EXOC7: variants seen among roughly 807,000 people sequenced by gnomAD.
EXOC7 encodes the protein exocyst complex component Exo70.
Under a neutral mutation model 87.6 loss-of-function variants are expected in EXOC7, and 51 were observed. That is an observed-to-expected ratio of 0.58 (90% CI 0.46 to 0.73). The LOEUF (loss-of-function observed/expected upper bound fraction) is 0.73. Among genes scored for constraint, EXOC7 ranks in the 30% least tolerant of loss-of-function variants. The pLI is 0.00. For missense variants in EXOC7, 744 were observed against 888.4 expected, an observed-to-expected ratio of 0.84 and a Z score of 2.07; for synonymous variants, 327 against 357.1, an observed-to-expected ratio of 0.92 and a Z score of 0.95.
chr17:76,098,865 C>CAA (rs55644538), intron 4 of EXOC7, among the ~76,000 whole-genome samples: 8 of 106,892 alleles, frequency 7.5e-5, no homozygotes, highest in Admixed American at 3.2e-4. Flanking sequence ...GACTCCGTCT[C>CAA]AAAAAAAAAA....
Position 76,103,344 on chromosome 17 carries a change from G to A in EXOC7, c.126+17C>T. 1 of 1,580,938 alleles carries A rather than the reference G, an allele frequency of 6.3e-7. No individual in the cohort carries two copies. Among genetic ancestry groups the A allele is most frequent in the African/African-American group, 1.3e-5 (1 of 74,632 alleles). ...GTCCGGAGGCCTGCCCTCTCCCCCA[G>A]CTGCGGGGAGACTCACCATGTTCTT... On this transcript the variant is annotated intron_variant, in intron 2 of 18. Transcript: ENST00000589210.
chr17:76,081,324 T>A lies in EXOC7; in HGVS notation c.*2324A>T. Reference sequence around the variant, plus strand: ...CCCACGTGGTGAACGAGATTGTGAGTGTCAAGAGGGAATACGTAGTTTATG... The same window carrying A: ...CCCACGTGGTGAACGAGATTGTGAGAGTCAAGAGGGAATACGTAGTTTATG... On this transcript the variant is annotated 3_prime_UTR_variant, in exon 19 of 19. Transcript: ENST00000589210. The A allele has an allele frequency of 6.2e-7, 1 of 1,614,002 alleles. No homozygotes were observed. Among genetic ancestry groups the A allele is most frequent in the South Asian group, 1.1e-5 (1 of 91,080 alleles).
chr17:76,083,315 CCTGCTGCT>C lies in EXOC7; in HGVS notation c.*325_*332del. 1 of 283,798 alleles carries C rather than the reference CCTGCTGCT, an allele frequency of 3.5e-6. No individual in the cohort carries two copies. The highest frequency in any genetic ancestry group is 6.8e-6 in the Non-Finnish European group (1 of 146,932). 17.6% of individuals were successfully genotyped at this position (283,798 alleles called of 1,614,324 possible). A position where few individuals can be genotyped will look rare whatever the true frequency, so the allele number is the denominator to read the frequency against. ...TAGGCTGGAGGGAGGGCCCTTCTGC[CCTGCTGCT>C]CTTGGTACACATGGAGCAGCAGTGG... On this transcript the variant is annotated 3_prime_UTR_variant, in exon 19 of 19. Coordinates refer to ENST00000589210, the MANE Select transcript of EXOC7 (RefSeq NM_001013839.4).
intron 2 of EXOC7, chr17:76,103,006 CA>C (rs1019662545): frequency 1.3e-5 from 3 of 224,172 alleles, no homozygotes; most frequent in Middle Eastern, 3.4e-3. Context: ...TCAGGAATCT[CA>C]AAGTGCCAAC....
At position 76,083,134 on chromosome 17, in the gene EXOC7, G is replaced by A; in HGVS notation, c.*514C>T. The A allele has an allele frequency of 5.9e-6, 1 of 168,166 alleles. No individual in the cohort carries two copies. Among genetic ancestry groups the A allele is most frequent in the Non-Finnish European group, 1.3e-5 (1 of 78,330 alleles). The allele number at this position is 168,166 out of a possible 1,614,324, so 10.4% of individuals were successfully genotyped here. A position where few individuals can be genotyped will look rare whatever the true frequency, so the allele number is the denominator to read the frequency against. The stretch of plus-strand genomic sequence containing the variant: ...CAGCCACCTAGGGGACTCCTGGGAG[G>A]GAAAGGTCCCAGACCTCAGGCCTGT... On this transcript the variant is annotated 3_prime_UTR_variant, in exon 19 of 19. Coordinates refer to ENST00000589210, the MANE Select transcript of EXOC7 (RefSeq NM_001013839.4).
intron 5 of EXOC7, among the ~76,000 whole-genome samples, chr17:76,096,511 CAAAAAAA>C (rs780542530): frequency 2.9e-5 from 2 of 70,038 alleles, no homozygotes; most frequent in African/African-American, 1.3e-4. Context: ...GACTCTGTCT[CAAAAAAA>C]AAAAAAAAAA....
rs1158501350 is a variant in EXOC7 at position 76,092,609 on chromosome 17, C to T, written c.809-1374G>A. 3 of 152,198 alleles carry T rather than the reference C, an allele frequency of 2.0e-5. No homozygotes were observed. The East Asian group carries it at 5.8e-4, about 29-fold the overall frequency. The allele number at this position is 152,198 out of a possible 1,614,324, so 9.4% of individuals were successfully genotyped here. On this transcript the variant is annotated intron_variant, in intron 6 of 18. Transcript: ENST00000589210. ...CACCATACTTGGCCCATAATTAGCT[C>T]CTAATAACCAAGGCCTGGCTCACGT...
rs371547631 is a variant in EXOC7, at chr17:76,086,197, C to T, written c.1430-52G>A. 4.6e-5 allele frequency: 71 copies of T among 1,558,554 alleles called. No individual in the cohort carries two copies. The African/African-American group carries it at 5.0e-4, about 11-fold the overall frequency. ...CAGTGGCAGCAGCCAAGACCCTCAA[C>T]GGCCCTTCCCCCAGGCCATGCAGCA... is the stretch of plus-strand genomic sequence containing the variant. On this transcript the variant is annotated intron_variant, in intron 12 of 18. Transcript: ENST00000589210.
In EXOC7 at chr17:76,084,065, G is replaced by A. The variant is rs1471794030; in HGVS notation, c.1893C>T (p.Asp631=). 1 of 1,610,612 alleles carries A rather than the reference G, an allele frequency of 6.2e-7. No homozygotes were observed. The highest frequency in any genetic ancestry group is 8.5e-7 in the Non-Finnish European group (1 of 1,178,924). Residue 631 remains aspartate (D), a synonymous_variant, in exon 18 of 19, where the codon GAC becomes GAT. Transcript: ENST00000589210. ...TGGTCTTCTGGGCCTGGCGAATCCTGTCCCTCTGCTCTGTGTCTGGAATAG... is the reference window on the plus strand; with the variant it reads ...TGGTCTTCTGGGCCTGGCGAATCCTATCCCTCTGCTCTGTGTCTGGAATAG... ...AWAIPDTEQR[D]RIRQAQKTIV...
intron 12 of EXOC7, among the ~76,000 whole-genome samples, chr17:76,086,484 CAG>C (rs772672145): frequency 2.0e-5 from 3 of 152,290 alleles, no homozygotes; most frequent in African/African-American, 7.2e-5. Context: ...TTGTCAACAG[CAG>C]AGTCTTAGAA....
rs182284721 is a variant in EXOC7, at chr17:76,084,652, A to G, written c.1713-72T>C. The G allele has an allele frequency of 1.8e-4, 244 of 1,376,180 alleles. 3 individuals are homozygous for G. In the African/African-American group the frequency reaches 3.2e-3, roughly 18 times the overall value. 85.2% of individuals were successfully genotyped at this position (1,376,180 alleles called of 1,614,324 possible). On this transcript the variant is annotated intron_variant, in intron 15 of 18. Transcript: ENST00000589210. ...AGTGGCCTGGCTTGTTTCGTTTGCTAAATCTCTGGATCTACTTGGTGGGTG... is the reference window on the plus strand; with the variant it reads ...AGTGGCCTGGCTTGTTTCGTTTGCTGAATCTCTGGATCTACTTGGTGGGTG...
Position 76,088,090 on chromosome 17 carries a change from C to T in EXOC7, c.1332G>A (p.Lys444=), listed in dbSNP as rs1409145784. Residue 444 remains lysine (K), a synonymous_variant, in exon 11 of 19, where the codon AAG becomes AAA. Coordinates refer to ENST00000589210, the MANE Select transcript of EXOC7 (RefSeq NM_001013839.4). ...TGGTGAGCTCGTGTACGGTGCCGTC[C>T]TTCGGCATGTTGTACTCCTTGTCCG... ...NDPDKEYNMP[K]DGTVHELTSN... 1 of 1,613,896 alleles carries T rather than the reference C, an allele frequency of 6.2e-7. No homozygotes were observed. The highest frequency in any genetic ancestry group is 1.3e-5 in the African/African-American group (1 of 74,928).
intron 7 of EXOC7, chr17:76,090,216 G>T: frequency 1.6e-6 from 2 of 1,239,512 alleles, no homozygotes; most frequent in African/African-American, 1.5e-5. Flanking sequence ...GCATAGGCCT[G>T]GCCCATCCTC....
At chr17:76,088,323 A>G (rs2067305399) in intron 10 of EXOC7, 141 bp downstream of exon 10, 1 of 963,886 alleles carries the variant, frequency 1.0e-6, no homozygotes, top group Non-Finnish European at 1.6e-6. Context: ...AGGAAGGCAC[A>G]TGGGTGCTGA....
At chr17:76,097,686 A>G in intron 5 of EXOC7, 110 bp downstream of exon 5, 1 of 738,268 alleles carries the variant, frequency 1.4e-6, no homozygotes, top group South Asian at 2.0e-5. Context: ...CATGGGCAAC[A>G]GAGCAAGACT....
rs1475742006 is a variant in EXOC7 at position 76,088,046 on chromosome 17, C to T, written c.1362+14G>A. ...CTTCCTCCCCTCTCCCTGGTGTCCT[C>T]AGGCAGCACCCACATTGCTGGTGAG... On this transcript the variant is annotated intron_variant, in intron 11 of 18. Coordinates refer to ENST00000589210, the MANE Select transcript of EXOC7 (RefSeq NM_001013839.4). The T allele has an allele frequency of 1.2e-6, 2 of 1,613,986 alleles. No individual in the cohort carries two copies. Among genetic ancestry groups the T allele is most frequent in the East Asian group, 2.2e-5 (1 of 44,874 alleles).
intron 4 of EXOC7, among the ~76,000 whole-genome samples, chr17:76,098,815 A>G (rs2666006): frequency 0.48 from 72,178 of 149,142 alleles, 17,987 homozygotes; most frequent in South Asian, 0.66. Context: ...GCAGTGAGCC[A>G]AGATTGCGTC....
intron 15 of EXOC7, chr17:76,084,833 T>G: frequency 1.8e-6 from 1 of 541,176 alleles, no homozygotes; most frequent in Non-Finnish European, 3.3e-6. Context: ...TTCACATCAA[T>G]ATCGTGGCAA....
At position 76,094,491 on chromosome 17, in the gene EXOC7, G is replaced by T. The variant is rs770029348; in HGVS notation, c.731C>A (p.Ser244Tyr). Residue 244 changes from serine to tyrosine, a missense_variant, in exon 6 of 19, where the codon TCC (serine) becomes TAC (tyrosine). Ser to Tyr is a moderately radical substitution (Grantham distance 144). Coordinates refer to ENST00000589210, the MANE Select transcript of EXOC7 (RefSeq NM_001013839.4). ...AGCAGGGGAGTAGGGAACCCCAGAG[G>T]AAGAACTGCTCTTATGGAAATGCTC... is the stretch of plus-strand genomic sequence containing the variant. ...LKEHFHKSSS[S>Y]SGVPYSPAIP... 4 of 1,614,160 alleles carry T rather than the reference G, an allele frequency of 2.5e-6. No individual in the cohort carries two copies. Among genetic ancestry groups the T allele is most frequent in the Non-Finnish European group, 3.4e-6 (4 of 1,180,030 alleles).
Sources: gnomAD v4.1 joint callset for allele counts (sites outside exome capture counted in the v4.1 genomes callset) on GRCh38, gnomAD v4.1.1 for gene constraint, MANE v1.5 for transcripts, NCBI Gene and HGNC (gene_info 2026-07-23, HGNC 2026-07-21) for gene names.